ALCAM: variants seen among roughly 807,000 people sequenced by gnomAD.
ALCAM encodes activated leukocyte cell adhesion molecule.
A neutral mutation model predicts 70.9 loss-of-function variants in ALCAM; 30 were observed. The observed-to-expected ratio is 0.42, with a 90% CI of 0.32 to 0.57. ALCAM has a LOEUF of 0.57. ALCAM is among the 20% of genes least tolerant of loss of function. ALCAM has a pLI of 0.11. For synonymous variants in ALCAM, 249 were observed against 242.5 expected (o/e 1.03, Z -0.25); for missense variants, 591 against 695.1 (o/e 0.85, Z 1.68).
At chr3:105,397,569 A>G (rs1935986924) in intron 1 of ALCAM, among the ~76,000 whole-genome samples, 2 of 151,904 alleles carry the variant, frequency 1.3e-5, no homozygotes, top group South Asian at 4.1e-4. Flanking sequence ...AATAGGTAGT[A>G]GATTCCATTT....
chr3:105,497,251 A>G (rs981535946), intron 1 of ALCAM, among the ~76,000 whole-genome samples: 2 of 152,224 alleles, frequency 1.3e-5, no homozygotes, highest in South Asian at 2.1e-4. Context: ...TTTAAATACT[A>G]TATAGGATGA....
intron 14 of ALCAM, among the ~76,000 whole-genome samples, chr3:105,558,504 C>G (rs1357714988): frequency 6.6e-6 from 1 of 152,076 alleles, no homozygotes. Flanking sequence ...CCTGCCTCCT[C>G]TATCCTCTCA....
chr3:105,475,414 T>C (rs1044609491), intron 1 of ALCAM, among the ~76,000 whole-genome samples: 1 of 151,922 alleles, frequency 6.6e-6, no homozygotes, highest in Non-Finnish European at 1.5e-5. Flanking sequence ...AAACAGTAAA[T>C]TGCAATATGC....
intron 1 of ALCAM, among the ~76,000 whole-genome samples, chr3:105,394,190 C>T (rs1412354650): frequency 6.6e-6 from 1 of 151,916 alleles, no homozygotes; most frequent in Non-Finnish European, 1.5e-5. Context: ...ATTGAATCCA[C>T]TAATACAAAA....
chr3:105,457,989 GCTC>G (rs1207788781), intron 1 of ALCAM, among the ~76,000 whole-genome samples: 1 of 151,838 alleles, frequency 6.6e-6, no homozygotes, highest in African/African-American at 2.4e-5. Flanking sequence ...TTCCAATGGA[GCTC>G]CTCCTAATAA....
At chr3:105,556,073 G>A (rs974782606) in intron 14 of ALCAM, among the ~76,000 whole-genome samples, 2 of 151,888 alleles carry the variant, frequency 1.3e-5, no homozygotes, top group Admixed American at 6.6e-5. Flanking sequence ...CTTCTACTAT[G>A]TTTTCCATTT....
At chr3:105,501,791 G>A (rs536505112) in intron 1 of ALCAM, among the ~76,000 whole-genome samples, 1 of 152,278 alleles carries the variant, frequency 6.6e-6, no homozygotes, top group East Asian at 1.9e-4. Flanking sequence ...AGCTTATTAT[G>A]AGAGTAGTAT....
chr3:105,421,362 T>A (rs984828958), intron 1 of ALCAM, among the ~76,000 whole-genome samples: 1 of 151,484 alleles, frequency 6.6e-6, no homozygotes, highest in Non-Finnish European at 1.5e-5. Context: ...CCATAGCAAT[T>A]TAATTCTTTG....
chr3:105,543,202 A>T (rs1394818438), intron 8 of ALCAM, among the ~76,000 whole-genome samples: 1 of 151,784 alleles, frequency 6.6e-6, no homozygotes, highest in African/African-American at 2.4e-5. Flanking sequence ...AGGGGAGGAT[A>T]GATGGCAGAC....
Position 105,552,782 on chromosome 3 carries a change from T to A in ALCAM, c.1664+197T>A, listed in dbSNP as rs150019274. 9.5e-5 allele frequency: 132 copies of A among 1,385,788 alleles called. No individual in the cohort carries two copies. In the African/African-American group the frequency reaches 1.7e-3, roughly 17 times the overall value. The allele number at this position is 1,385,788 out of a possible 1,614,324, so 85.8% of individuals were successfully genotyped here. On this transcript the variant is annotated intron_variant, in intron 14 of 15. Coordinates refer to ENST00000306107, the MANE Select transcript of ALCAM (RefSeq NM_001627.4). The stretch of plus-strand genomic sequence containing the variant: ...TTGTCAGGGACATGGCTTGGGATAC[T>A]GTTTCACATGTGTCCGTTTATTTGT...
intron 14 of ALCAM, among the ~76,000 whole-genome samples, chr3:105,563,476 A>G (rs1940671266): frequency 6.6e-6 from 1 of 151,416 alleles, no homozygotes; most frequent in South Asian, 2.1e-4. Flanking sequence ...TTGAAATAAA[A>G]ATTTTGATTC....
chr3:105,511,156 A>G (rs1242689295), intron 1 of ALCAM, among the ~76,000 whole-genome samples: 1 of 152,024 alleles, frequency 6.6e-6, no homozygotes, highest in African/African-American at 2.4e-5. Context: ...TAAAATATTA[A>G]TAGATGTCAG....
chr3:105,449,794 G>A (rs1937382192), intron 1 of ALCAM, among the ~76,000 whole-genome samples: 1 of 152,094 alleles, frequency 6.6e-6, no homozygotes, highest in African/African-American at 2.4e-5. Flanking sequence ...GTCAGAAAAT[G>A]TTAATGAGTT....
intron 1 of ALCAM, among the ~76,000 whole-genome samples, chr3:105,371,825 ATGAT>A (rs1935240958): frequency 6.6e-6 from 1 of 152,174 alleles, no homozygotes; most frequent in African/African-American, 2.4e-5. Flanking sequence ...AGGTATAGCT[ATGAT>A]AGAAGAATAT....
chr3:105,414,821 A>G (rs1008976814), intron 1 of ALCAM, among the ~76,000 whole-genome samples: 58 of 152,260 alleles, frequency 3.8e-4, no homozygotes, highest in African/African-American at 1.2e-3. Context: ...GAATACATCA[A>G]AGGCTTTTGA....
chr3:105,383,431 C>T (rs1268008527), intron 1 of ALCAM, among the ~76,000 whole-genome samples: 1 of 151,740 alleles, frequency 6.6e-6, no homozygotes, highest in Non-Finnish European at 1.5e-5. Context: ...TCAGTACATA[C>T]ATGACAATTG....
intron 14 of ALCAM, among the ~76,000 whole-genome samples, chr3:105,557,600 G>T (rs1368086203): frequency 2.0e-5 from 3 of 152,104 alleles, no homozygotes; most frequent in Non-Finnish European, 2.9e-5. Flanking sequence ...CCATTCTCTG[G>T]CATGAGCCAG....
At chr3:105,448,358 ATTTG>A (rs1182681543) in intron 1 of ALCAM, among the ~76,000 whole-genome samples, 1 of 151,756 alleles carries the variant, frequency 6.6e-6, no homozygotes, top group African/African-American at 2.4e-5. Context: ...AAATAATTAA[ATTTG>A]TTTGACCTAA....
chr3:105,478,318 A>T (rs773376625), intron 1 of ALCAM, among the ~76,000 whole-genome samples: 1 of 152,112 alleles, frequency 6.6e-6, no homozygotes, highest in Non-Finnish European at 1.5e-5. Context: ...GAGTCTGTTC[A>T]TGCATATATG....
Sources: allele counts gnomAD v4.1 joint callset (sites outside exome capture counted in the v4.1 genomes callset), GRCh38; gene constraint gnomAD v4.1.1; transcripts MANE v1.5; gene names NCBI Gene and HGNC (gene_info 2026-07-23, HGNC 2026-07-21).